The following SGCZ variants were observed in gnomAD, a reference collection of about 807,000 sequenced individuals.
SGCZ encodes the protein sarcoglycan zeta, also known as zeta-sarcoglycan.
In SGCZ, 40 loss-of-function variants were observed where a neutral mutation model predicts 41.3. The observed-to-expected ratio is 0.97, with a 90% CI of 0.75 to 1.26. The LOEUF (loss-of-function observed/expected upper bound fraction) is 1.26. SGCZ is among the 50% of genes most tolerant of loss of function. SGCZ has a pLI of 0.00. For synonymous variants in SGCZ, 206 were observed against 137.5 expected, an observed-to-expected ratio of 1.50 and a Z score of -3.49; for missense variants, 552 against 369.8, an observed-to-expected ratio of 1.49 and a Z score of -4.04.
At chr8:14,945,087 T>C (rs1800397490) in intron 1 of SGCZ, among the ~76,000 whole-genome samples, 1 of 134,042 alleles carries the variant, frequency 7.5e-6, no homozygotes, top group Non-Finnish European at 1.5e-5. Flanking sequence ...AAGTACAACA[T>C]GCACAAGGAA....
At chr8:15,102,535 T>C (rs995252150) in intron 1 of SGCZ, among the ~76,000 whole-genome samples, 1 of 152,136 alleles carries the variant, frequency 6.6e-6, no homozygotes, top group Admixed American at 6.5e-5. Context: ...TTTGTAATGA[T>C]GTATCCATAT....
intron 2 of SGCZ, among the ~76,000 whole-genome samples, chr8:14,472,319 G>A (rs757255649): frequency 2.0e-5 from 3 of 152,012 alleles, no homozygotes; most frequent in Non-Finnish European, 4.4e-5. Context: ...AAAGCTGTTT[G>A]TTCATGGTTT....
At chr8:15,062,865 A>G (rs1804987294) in intron 1 of SGCZ, among the ~76,000 whole-genome samples, 1 of 152,102 alleles carries the variant, frequency 6.6e-6, no homozygotes, top group Non-Finnish European at 1.5e-5. Flanking sequence ...GAACTATGAA[A>G]TGTATTCAAA....
At chr8:14,727,047 T>C (rs538353317) in intron 1 of SGCZ, among the ~76,000 whole-genome samples, 1 of 152,232 alleles carries the variant, frequency 6.6e-6, no homozygotes, top group African/African-American at 2.4e-5. Context: ...GAGGAAATAT[T>C]TTCAATAAGC....
intron 1 of SGCZ, among the ~76,000 whole-genome samples, chr8:14,762,507 C>T (rs1295717323): frequency 2.0e-5 from 3 of 152,176 alleles, no homozygotes; most frequent in Admixed American, 2.0e-4. Context: ...CAGCGCCCAA[C>T]ATATAGTAAG....
chr8:14,244,687 A>G (rs1025907648), intron 3 of SGCZ, among the ~76,000 whole-genome samples: 4 of 151,702 alleles, frequency 2.6e-5, no homozygotes, highest in African/African-American at 4.8e-5. Context: ...CTTGGGCAGT[A>G]TGGCCATTTT....
At chr8:14,944,401 T>G (rs1302419301) in intron 1 of SGCZ, among the ~76,000 whole-genome samples, 1 of 152,204 alleles carries the variant, frequency 6.6e-6, no homozygotes, top group Non-Finnish European at 1.5e-5. Flanking sequence ...TGATCTTCCC[T>G]GTTGGAGTAT....
chr8:14,877,047 C>T (rs557371266), intron 1 of SGCZ, among the ~76,000 whole-genome samples: 129 of 152,296 alleles, frequency 8.5e-4, no homozygotes, highest in Middle Eastern at 3.4e-3. Context: ...TATCTTGGCT[C>T]ATTGCAATCT....
intron 2 of SGCZ, among the ~76,000 whole-genome samples, chr8:14,476,027 G>A (rs539874429): frequency 3.1e-4 from 47 of 151,436 alleles, no homozygotes; most frequent in African/African-American, 1.1e-3. Flanking sequence ...GGTTGATCTT[G>A]GCTCCTGGCC....
chr8:14,725,603 TAAC>T (rs1408148083), intron 1 of SGCZ, among the ~76,000 whole-genome samples: 6 of 152,312 alleles, frequency 3.9e-5, no homozygotes, highest in African/African-American at 1.4e-4. Flanking sequence ...CACAAATTGA[TAAC>T]AATGTGAAGG....
intron 1 of SGCZ, among the ~76,000 whole-genome samples, chr8:14,753,260 A>C (rs1443495527): frequency 6.6e-6 from 1 of 152,120 alleles, no homozygotes; most frequent in Non-Finnish European, 1.5e-5. Context: ...AAATTTCTCT[A>C]TTATCAAATA....
At chr8:14,833,381 C>G (rs953728007) in intron 1 of SGCZ, among the ~76,000 whole-genome samples, 1 of 152,074 alleles carries the variant, frequency 6.6e-6, no homozygotes, top group South Asian at 2.1e-4. Context: ...CCAGAGAAGC[C>G]AAACATACAG....
chr8:14,515,198 CT>C (rs1391877971), intron 2 of SGCZ, among the ~76,000 whole-genome samples: 14 of 151,982 alleles, frequency 9.2e-5, no homozygotes, highest in African/African-American at 2.7e-4. Context: ...TAAAACTGAA[CT>C]TCTAGGCTAC....
chr8:14,528,859 G>T lies in SGCZ; in HGVS notation c.234+25873C>A, dbSNP rs142066931. Among the ~76,000 whole-genome samples, 840 of 141,118 alleles carry T rather than the reference G, an allele frequency of 6.0e-3. 12 individuals carry two copies. Among genetic ancestry groups the T allele is most frequent in the African/African-American group, 0.023 (812 of 35,788 alleles). 92.6% of individuals were successfully genotyped at this position (141,118 alleles called of 152,430 possible). A position where few individuals can be genotyped will look rare whatever the true frequency, so the allele number is the denominator to read the frequency against. On this transcript the variant is annotated intron_variant, in intron 2 of 7. Coordinates refer to ENST00000382080, the MANE Select transcript of SGCZ (RefSeq NM_139167.4). ...AAAACAAAACAAAAACAAAAAAAGA[G>T]AAAGTGCCAAAATCTTCAAATTTAT...
At position 14,213,275 on chromosome 8, in the gene SGCZ, G is replaced by A. The variant is rs370050165; in HGVS notation, c.424+24317C>T. On this transcript the variant is annotated intron_variant, in intron 4 of 7. Coordinates refer to ENST00000382080, the MANE Select transcript of SGCZ (RefSeq NM_139167.4). Reference sequence around the variant, plus strand: ...CTAAATTTCTGAAAAGTAAAGACACGCACACAAAAATTCCTGAAAGCAATT... The same window carrying A: ...CTAAATTTCTGAAAAGTAAAGACACACACACAAAAATTCCTGAAAGCAATT... 7.2e-5 allele frequency among the ~76,000 whole-genome samples: 11 copies of A among 151,912 alleles called. No individual in the cohort carries two copies. In the East Asian group the frequency reaches 1.9e-3, roughly 27 times the overall value.
chr8:14,144,071 C>G (rs1447367612), intron 5 of SGCZ, among the ~76,000 whole-genome samples: 1 of 152,152 alleles, frequency 6.6e-6, no homozygotes, highest in Admixed American at 6.5e-5. Flanking sequence ...GACTTGCCAA[C>G]TCTTGGCAAG....
intron 1 of SGCZ, among the ~76,000 whole-genome samples, chr8:14,666,437 C>A (rs1229016362): frequency 6.6e-6 from 1 of 152,120 alleles, no homozygotes; most frequent in East Asian, 1.9e-4. Context: ...CAGTGAATCA[C>A]AAAAACGTTA....
intron 2 of SGCZ, among the ~76,000 whole-genome samples, chr8:14,359,677 C>T (rs567440708): frequency 9.2e-5 from 14 of 152,130 alleles, no homozygotes; most frequent in Middle Eastern, 3.4e-3. Context: ...AGTGACCTCA[C>T]TATTGAAGCT....
intron 1 of SGCZ, among the ~76,000 whole-genome samples, chr8:14,926,877 G>A (rs1380676179): frequency 1.3e-5 from 2 of 152,012 alleles, no homozygotes; most frequent in Non-Finnish European, 2.9e-5. Flanking sequence ...CTGACCTCGT[G>A]ATCCACCAGC....
Sources: allele counts gnomAD v4.1 joint callset (sites outside exome capture counted in the v4.1 genomes callset), GRCh38; gene constraint gnomAD v4.1.1; transcripts MANE v1.5; gene names NCBI Gene and HGNC (gene_info 2026-07-23, HGNC 2026-07-21).